Variants in ADARB2 observed in about 807,000 individuals in gnomAD.
ADARB2 encodes the protein inactive double-stranded RNA-specific editase B2.
In ADARB2, 25 loss-of-function variants were observed where a neutral mutation model predicts 62.2. That is an observed-to-expected ratio of 0.40 (90% CI 0.29 to 0.56). The LOEUF is 0.56. Among genes scored for constraint, ADARB2 ranks in the 20% least tolerant of loss-of-function variants. The pLI is 0.43. For synonymous variants in ADARB2, 572 were observed against 500.8 expected, an observed-to-expected ratio of 1.14 and a Z score of -1.90; for missense variants, 1,071 against 1,077.4, an observed-to-expected ratio of 0.99 and a Z score of 0.08.
chr10:1,555,052 G>A (rs1406319165), intron 1 of ADARB2, among the ~76,000 whole-genome samples: 1 of 152,162 alleles, frequency 6.6e-6, no homozygotes, highest in East Asian at 1.9e-4. Flanking sequence ...CAAAGGACAC[G>A]ATTTCATTCT....
intron 1 of ADARB2, among the ~76,000 whole-genome samples, chr10:1,551,226 C>A (rs1206989130): frequency 6.6e-6 from 1 of 152,166 alleles, no homozygotes; most frequent in African/African-American, 2.4e-5. Flanking sequence ...TCAGGAGGAA[C>A]CAGGCCCCTG....
chr10:1,378,362 G>A (rs529644368), intron 2 of ADARB2, among the ~76,000 whole-genome samples: 11 of 152,260 alleles, frequency 7.2e-5, no homozygotes, highest in Middle Eastern at 3.4e-3. Context: ...TGTACAAACC[G>A]CGCTCTAAGA....
At chr10:1,348,557 C>T (rs981642008) in intron 3 of ADARB2, among the ~76,000 whole-genome samples, 6 of 152,190 alleles carry the variant, frequency 3.9e-5, no homozygotes, top group African/African-American at 1.4e-4. Flanking sequence ...CCATCTGAGG[C>T]CCTCCCTGCA....
intron 1 of ADARB2, among the ~76,000 whole-genome samples, chr10:1,416,234 T>C (rs945087489): frequency 1.3e-5 from 2 of 152,280 alleles, no homozygotes; most frequent in Non-Finnish European, 2.9e-5. Context: ...TACACACATG[T>C]ACATTTGCAT....
intron 1 of ADARB2, among the ~76,000 whole-genome samples, chr10:1,647,531 GTGTT>G (rs1203261250): frequency 6.6e-6 from 1 of 152,120 alleles, no homozygotes; most frequent in Non-Finnish European, 1.5e-5. Context: ...GCATGCATGT[GTGTT>G]TATGTGAGTA....
chr10:1,633,037 TC>T (rs1197485437), intron 1 of ADARB2, among the ~76,000 whole-genome samples: 2 of 152,138 alleles, frequency 1.3e-5, no homozygotes, highest in African/African-American at 4.8e-5. Context: ...GGAGTGGGCC[TC>T]CCTCTCCCCA....
At chr10:1,599,974 GGCTCCAGAGATCT>G (rs988581990) in intron 1 of ADARB2, among the ~76,000 whole-genome samples, 2 of 151,998 alleles carry the variant, frequency 1.3e-5, no homozygotes, top group African/African-American at 4.8e-5. Flanking sequence ...CAAACACTTG[GGCTCCAGAGATCT>G]GAGCACCTAG....
At chr10:1,511,201 A>T (rs1036329843) in intron 1 of ADARB2, among the ~76,000 whole-genome samples, 14 of 151,876 alleles carry the variant, frequency 9.2e-5, no homozygotes, top group South Asian at 2.1e-4. Flanking sequence ...GGGTGGGCGT[A>T]TCGGGTGGAT....
intron 1 of ADARB2, among the ~76,000 whole-genome samples, chr10:1,508,589 A>C (rs1006524540): frequency 6.6e-6 from 1 of 152,210 alleles, no homozygotes; most frequent in Non-Finnish European, 1.5e-5. Context: ...AGACCAGCCC[A>C]GCCAACATGG....
At chr10:1,417,399 G>A (rs2387674) in intron 1 of ADARB2, among the ~76,000 whole-genome samples, 7,604 of 152,130 alleles carry the variant, frequency 0.05, 645 homozygotes, top group African/African-American at 0.17. Flanking sequence ...CCAGAGGGTC[G>A]GGAAGAGATC....
At chr10:1,556,578 C>T (rs564020405) in intron 1 of ADARB2, 2 of 442,912 alleles carry the variant, frequency 4.5e-6, no homozygotes, top group South Asian at 3.4e-5. Flanking sequence ...TGGGGAGGGC[C>T]TGAGCATTTG....
intron 1 of ADARB2, among the ~76,000 whole-genome samples, chr10:1,485,359 T>C (rs1831526611): frequency 1.3e-5 from 2 of 152,116 alleles, no homozygotes; most frequent in African/African-American, 2.4e-5. Flanking sequence ...GATGTGTAGG[T>C]AGATTTGTAA....
chr10:1,655,862 G>A (rs531806497), intron 1 of ADARB2, among the ~76,000 whole-genome samples: 2 of 152,290 alleles, frequency 1.3e-5, no homozygotes, highest in Non-Finnish European at 2.9e-5. Context: ...CCTCTTGGAA[G>A]GAGGAAGAAT....
chr10:1,354,652 G>A (rs1832176620), intron 3 of ADARB2, among the ~76,000 whole-genome samples: 1 of 152,166 alleles, frequency 6.6e-6, no homozygotes, highest in Non-Finnish European at 1.5e-5. Context: ...GGCCCTCCTG[G>A]GCATCCTTGG....
chr10:1,676,407 G>A (rs1834467318), intron 1 of ADARB2, among the ~76,000 whole-genome samples: 1 of 152,236 alleles, frequency 6.6e-6, no homozygotes, highest in Non-Finnish European at 1.5e-5. Flanking sequence ...ATTATTTAAA[G>A]TTCATGAAGG....
intron 3 of ADARB2, among the ~76,000 whole-genome samples, chr10:1,293,278 GGGAAAGAGCAGGGAGAGAAGGGGGA>G (rs1831493263): frequency 7.7e-6 from 1 of 130,052 alleles, no homozygotes; most frequent in Non-Finnish European, 1.6e-5. Flanking sequence ...GAAGGAGGGA[GGGAAAGAGCAGGGAGAGAAGGGGGA>G]AGAGAGAGGG....
intron 1 of ADARB2, among the ~76,000 whole-genome samples, chr10:1,680,344 C>A (rs1172941571): frequency 7.9e-5 from 12 of 152,022 alleles, no homozygotes; most frequent in Admixed American, 7.9e-4. Context: ...CTTGAAATAA[C>A]CTTTGGGTCC....
intron 1 of ADARB2, among the ~76,000 whole-genome samples, chr10:1,389,857 T>G (rs573114869): frequency 6.6e-6 from 1 of 152,236 alleles, no homozygotes; most frequent in East Asian, 1.9e-4. Context: ...TCAGAGCTCA[T>G]CCCCTGGTAT....
chr10:1,578,053 T>C (rs1344606011), intron 1 of ADARB2, among the ~76,000 whole-genome samples: 1 of 152,116 alleles, frequency 6.6e-6, no homozygotes, highest in Non-Finnish European at 1.5e-5. Context: ...GGAAAGTCAG[T>C]TGCTCCAGCC....
Sources: gnomAD v4.1 joint callset for allele counts (sites outside exome capture counted in the v4.1 genomes callset) on GRCh38, gnomAD v4.1.1 for gene constraint, MANE v1.5 for transcripts, NCBI Gene and HGNC (gene_info 2026-07-23, HGNC 2026-07-21) for gene names.